The following C8orf74 variants were observed in gnomAD, a reference collection of about 807,000 sequenced individuals.
C8orf74 encodes uncharacterized protein C8orf74.
A neutral mutation model predicts 22.2 loss-of-function variants in C8orf74; 29 were observed. The ratio of observed to expected loss-of-function variants is 1.31; its 90% CI spans 0.97 to 1.78. The LOEUF is 1.78. C8orf74 is among the 40% of genes most tolerant of loss of function. The pLI is 0.00. For synonymous variants in C8orf74, 255 were observed against 163.1 expected, an observed-to-expected ratio of 1.56 and a Z score of -4.30; for missense variants, 515 against 369.9, an observed-to-expected ratio of 1.39 and a Z score of -3.22.
rs531509484 is a variant in C8orf74 at position 10,685,061 on chromosome 8, G to A, written c.241+10223G>A. Among the ~76,000 whole-genome samples the A allele has an allele frequency of 2.0e-5, 3 of 152,320 alleles. No individual in the cohort carries two copies. The South Asian group carries it at 6.2e-4, about 32-fold the overall frequency. ...ATTCCATCATGCCACTCAAAACGGTGCAACATCTAAAACTTATGAACTATT... is the reference window on the plus strand; with the variant it reads ...ATTCCATCATGCCACTCAAAACGGTACAACATCTAAAACTTATGAACTATT... On this transcript the variant is annotated intron_variant, in intron 2 of 3. Transcript: ENST00000304519.
chr8:10,680,535 A>G (rs1799127178), intron 2 of C8orf74, among the ~76,000 whole-genome samples: 1 of 152,222 alleles, frequency 6.6e-6, no homozygotes, highest in African/African-American at 2.4e-5. Context: ...TCAGGGCAAG[A>G]AGGAGCTGCA....
intron 2 of C8orf74, among the ~76,000 whole-genome samples, chr8:10,678,279 C>A (rs1399894883): frequency 6.6e-6 from 1 of 152,218 alleles, no homozygotes; most frequent in Non-Finnish European, 1.5e-5. Flanking sequence ...CAGGATCACT[C>A]TCCACCTGGG....
At chr8:10,695,527 T>C (rs1238462624) in intron 2 of C8orf74, among the ~76,000 whole-genome samples, 2 of 152,162 alleles carry the variant, frequency 1.3e-5, no homozygotes, top group Non-Finnish European at 2.9e-5. Context: ...TGGTGCCCCT[T>C]TTGCTAATAT....
At chr8:10,677,989 C>G (rs1046157905) in intron 2 of C8orf74, among the ~76,000 whole-genome samples, 1 of 152,220 alleles carries the variant, frequency 6.6e-6, no homozygotes, top group African/African-American at 2.4e-5. Flanking sequence ...CTCCTGAAAT[C>G]TGCTCAGCCT....
intron 2 of C8orf74, among the ~76,000 whole-genome samples, chr8:10,683,096 G>A (rs1799186483): frequency 6.6e-6 from 1 of 152,230 alleles, no homozygotes; most frequent in Non-Finnish European, 1.5e-5. Context: ...GGCCTGAGAA[G>A]CAGGCAGCCC....
At chr8:10,686,585 C>A (rs1269313643) in intron 2 of C8orf74, 3 of 153,386 alleles carry the variant, frequency 2.0e-5, no homozygotes, top group African/African-American at 7.2e-5. Context: ...AGCCACACCA[C>A]CTTGAACATG....
chr8:10,680,164 C>G (rs1799119493), intron 2 of C8orf74, among the ~76,000 whole-genome samples: 1 of 152,346 alleles, frequency 6.6e-6, no homozygotes, highest in African/African-American at 2.4e-5. Context: ...CAGTGACGCT[C>G]CTTCCACACT....
intron 2 of C8orf74, among the ~76,000 whole-genome samples, chr8:10,694,427 T>C (rs1255152411): frequency 1.3e-5 from 2 of 152,106 alleles, no homozygotes; most frequent in Non-Finnish European, 2.9e-5. Flanking sequence ...TCCGTTCCTT[T>C]CTCCAGAGAT....
intron 2 of C8orf74, among the ~76,000 whole-genome samples, chr8:10,679,025 C>G (rs976961349): frequency 6.6e-6 from 1 of 152,228 alleles, no homozygotes. Flanking sequence ...CTGACAAACG[C>G]TGCCGTCACC....
rs542871670 is a variant in C8orf74, at chr8:10,691,201, C to A, written c.242-6398C>A. The A allele has an allele frequency of 5.3e-5, 18 of 342,846 alleles. No homozygotes were observed. The East Asian group carries it at 1.4e-3, about 26-fold the overall frequency. The allele number at this position is 342,846 out of a possible 1,614,324, so 21.2% of individuals were successfully genotyped here. A position where few individuals can be genotyped will look rare whatever the true frequency, so the allele number is the denominator to read the frequency against. ...GGACTCCTTCCCTGTTGACCCAGGA[C>A]AAGGTCTACACTTGGTTTGTATGAC... On this transcript the variant is annotated intron_variant, in intron 2 of 3. Coordinates refer to ENST00000304519, the MANE Select transcript of C8orf74 (RefSeq NM_001040032.2).
chr8:10,673,544 C>T (rs886667866), intron 1 of C8orf74: 1 of 153,036 alleles, frequency 6.5e-6, no homozygotes, highest in Non-Finnish European at 1.5e-5. Context: ...CTACTGCAGT[C>T]AGTTAAGAGT....
intron 2 of C8orf74, among the ~76,000 whole-genome samples, chr8:10,693,495 G>A (rs1266103739): frequency 6.6e-6 from 1 of 152,190 alleles, no homozygotes; most frequent in East Asian, 1.9e-4. Context: ...CTGACCTAAT[G>A]AATAAACACC....
At chr8:10,691,575 A>G (rs1799382005) in intron 2 of C8orf74, 1 of 152,984 alleles carries the variant, frequency 6.5e-6, no homozygotes, top group Admixed American at 6.5e-5. Context: ...TCGCACACAC[A>G]CAGGCCCAGA....
At chr8:10,688,057 T>C (rs1799297567) in intron 2 of C8orf74, among the ~76,000 whole-genome samples, 1 of 151,864 alleles carries the variant, frequency 6.6e-6, no homozygotes, top group African/African-American at 2.4e-5. Flanking sequence ...ATACAAAAAT[T>C]AGCCAGGCGT....
Position 10,678,822 on chromosome 8 carries a change from G to A in C8orf74, c.241+3984G>A, listed in dbSNP as rs556395962. ...ACGACAGCCAGGCCTCCTGCACCTC[G>A]GCTCACCACGGTGCCATTCAGGATG... On this transcript the variant is annotated intron_variant, in intron 2 of 3. Transcript: ENST00000304519. 8.5e-5 allele frequency among the ~76,000 whole-genome samples: 13 copies of A among 152,226 alleles called. No individual in the cohort carries two copies. In the South Asian group the frequency reaches 2.5e-3, roughly 29 times the overall value.
chr8:10,687,367 C>T (rs545561078), intron 2 of C8orf74: 44 of 294,404 alleles, frequency 1.5e-4, no homozygotes, highest in Admixed American at 9.9e-4. Flanking sequence ...GATTGCATTA[C>T]GGCTAGGCGC....
At chr8:10,686,988 C>T in intron 2 of C8orf74, 1 of 417,782 alleles carries the variant, frequency 2.4e-6, no homozygotes, top group South Asian at 1.7e-5. Flanking sequence ...TGAGTAGAAT[C>T]ACCAGGCAAC....
intron 3 of C8orf74, among the ~76,000 whole-genome samples, chr8:10,699,717 CT>C (rs1799612803): frequency 6.6e-6 from 1 of 152,202 alleles, no homozygotes; most frequent in African/African-American, 2.4e-5. Context: ...GCAATTTCCC[CT>C]GTCCCCTCCC....
intron 2 of C8orf74, 73 bp downstream of exon 2, chr8:10,674,911 G>A (rs1014475978): frequency 5.7e-5 from 74 of 1,302,446 alleles, no homozygotes; most frequent in East Asian, 1.0e-4. Flanking sequence ...CTCCCCTGCC[G>A]TCCACAGCCC....
Sources: gnomAD v4.1 joint callset for allele counts (sites outside exome capture counted in the v4.1 genomes callset) on GRCh38, gnomAD v4.1.1 for gene constraint, MANE v1.5 for transcripts, NCBI Gene and HGNC (gene_info 2026-07-23, HGNC 2026-07-21) for gene names.